Variants in ROCK1 observed in about 807,000 individuals in gnomAD.
The protein encoded by ROCK1 is Rho associated coiled-coil containing protein kinase 1, also known as rho-associated protein kinase 1.
ROCK1 carries 36 observed loss-of-function variants against 196.8 expected under a neutral mutation model. The observed-to-expected ratio is 0.18, with a 90% confidence interval of 0.14 to 0.24. ROCK1 has a LOEUF of 0.24. Ranked by LOEUF, ROCK1 falls within the 10% of genes least tolerant of loss-of-function variation. ROCK1 has a pLI of 1.00. For synonymous variants in ROCK1, 443 were observed against 515.9 expected (o/e 0.86, Z 1.91); for missense variants, 920 against 1,562.0 (o/e 0.59, Z 6.93).
intron 19 of ROCK1, among the ~76,000 whole-genome samples, chr18:20,985,827 A>G (rs1001779836): frequency 6.6e-6 from 1 of 152,068 alleles, no homozygotes; most frequent in African/African-American, 2.4e-5. Flanking sequence ...GATTTTTCTA[A>G]AAGTGCTTTC....
At position 20,999,615 on chromosome 18, in the gene ROCK1, C is replaced by A. The variant is rs756388385; in HGVS notation, c.1886-6678G>T. On this transcript the variant is annotated intron_variant, in intron 16 of 32. Coordinates refer to ENST00000399799, the MANE Select transcript of ROCK1 (RefSeq NM_005406.3). ...GTATATAGAAAACTAAAAACAAACA[C>A]ACAAATGAACAAAAACACTGCTGAA... Among the ~76,000 whole-genome samples the A allele has an allele frequency of 4.1e-4, 63 of 152,192 alleles. 1 individual carries two copies. Among genetic ancestry groups the A allele is most frequent in the Admixed American group, 1.8e-3 (27 of 15,278 alleles).
chr18:21,107,982 G>A (rs1244411241), intron 1 of ROCK1, among the ~76,000 whole-genome samples: 1 of 152,022 alleles, frequency 6.6e-6, no homozygotes. Flanking sequence ...TCGAACCCAG[G>A]AGTCGGAGGT....
At chr18:21,103,987 A>ATG (rs748236134) in intron 1 of ROCK1, among the ~76,000 whole-genome samples, 5 of 152,208 alleles carry the variant, frequency 3.3e-5, no homozygotes, top group Non-Finnish European at 7.3e-5. Flanking sequence ...TCTTGAACAC[A>ATG]TGTGTGTCGT....
intron 11 of ROCK1, among the ~76,000 whole-genome samples, chr18:21,022,989 A>G (rs2035926843): frequency 7.2e-6 from 1 of 138,554 alleles, no homozygotes; most frequent in East Asian, 2.0e-4. Context: ...AGCCAGTCAC[A>G]TATGGATAAA....
chr18:21,091,878 A>C (rs962334996), intron 1 of ROCK1, among the ~76,000 whole-genome samples: 1 of 151,274 alleles, frequency 6.6e-6, no homozygotes, highest in Non-Finnish European at 1.5e-5. Context: ...ACTGAAGCCC[A>C]AGGATCAGTT....
intron 14 of ROCK1, among the ~76,000 whole-genome samples, chr18:21,007,079 T>C (rs190414834): frequency 1.3e-3 from 199 of 152,290 alleles, no homozygotes; most frequent in African/African-American, 4.5e-3. Context: ...AAGCTAGTTT[T>C]AATATTATTT....
chr18:21,108,797 C>G (rs1219711897), intron 1 of ROCK1, among the ~76,000 whole-genome samples: 1 of 152,174 alleles, frequency 6.6e-6, no homozygotes, highest in Admixed American at 6.5e-5. Context: ...CCCATGCTAA[C>G]CCATCTTCCA....
chr18:21,061,085 T>TC (rs1264371234), intron 2 of ROCK1, among the ~76,000 whole-genome samples: 7 of 151,708 alleles, frequency 4.6e-5, no homozygotes, highest in African/African-American at 1.7e-4. Flanking sequence ...CTTTTATTTT[T>TC]TTTTTTTTTT....
chr18:21,000,540 G>C (rs2035714968), intron 16 of ROCK1, among the ~76,000 whole-genome samples: 1 of 152,186 alleles, frequency 6.6e-6, no homozygotes, highest in Non-Finnish European at 1.5e-5. Context: ...TGGGATTACA[G>C]GTGTGAGCTA....
chr18:21,040,492 AAGTT>A (rs1346362807), intron 8 of ROCK1, among the ~76,000 whole-genome samples: 1 of 152,210 alleles, frequency 6.6e-6, no homozygotes, highest in Admixed American at 6.5e-5. Context: ...TGGAAAAAGA[AAGTT>A]AGCACCTTTT....
chr18:21,021,464 G>T (rs528848322), intron 11 of ROCK1, among the ~76,000 whole-genome samples: 38 of 152,166 alleles, frequency 2.5e-4, no homozygotes, highest in African/African-American at 8.7e-4. Flanking sequence ...TAAAAAAGAG[G>T]GAAACAATAG....
At chr18:20,987,472 TG>T (rs1033566124) in intron 18 of ROCK1, among the ~76,000 whole-genome samples, 2 of 152,186 alleles carry the variant, frequency 1.3e-5, no homozygotes, top group Non-Finnish European at 2.9e-5. Flanking sequence ...AATAAGGCTG[TG>T]GTTATTAATT....
At chr18:20,980,371 TAA>T (rs2035519524) in intron 21 of ROCK1, among the ~76,000 whole-genome samples, 1 of 152,224 alleles carries the variant, frequency 6.6e-6, no homozygotes, top group African/African-American at 2.4e-5. Flanking sequence ...AACCACGTGT[TAA>T]AGAGTGTATA....
chr18:21,070,881 C>G (rs545234241), intron 1 of ROCK1, among the ~76,000 whole-genome samples: 1 of 152,132 alleles, frequency 6.6e-6, no homozygotes, highest in Non-Finnish European at 1.5e-5. Flanking sequence ...ATGCACTTTT[C>G]CCCTCATAAG....
At chr18:21,023,384 A>G (rs891587431) in intron 11 of ROCK1, among the ~76,000 whole-genome samples, 5 of 152,136 alleles carry the variant, frequency 3.3e-5, no homozygotes, top group African/African-American at 1.2e-4. Context: ...AAAGATGACC[A>G]CTGTCAATCT....
chr18:21,033,411 A>G (rs1473976133), intron 9 of ROCK1, among the ~76,000 whole-genome samples: 2 of 151,506 alleles, frequency 1.3e-5, no homozygotes, highest in Non-Finnish European at 2.9e-5. Context: ...GCTTCCCCCT[A>G]TGACCAGGAA....
intron 1 of ROCK1, among the ~76,000 whole-genome samples, chr18:21,091,675 A>G (rs2036571194): frequency 6.6e-6 from 1 of 152,108 alleles, no homozygotes. Flanking sequence ...AAGGCTGTTA[A>G]TTGTTAAATC....
rs538218166 is a variant in ROCK1, at chr18:20,982,865, G to T, written c.2490-33C>A. On this transcript the variant is annotated intron_variant, in intron 20 of 32. Transcript: ENST00000399799. ...TGAAAAGAAAAACAAGTGAACAAAC[G>T]CTCCTACTTATACTAGACTTCATTT... 7.7e-5 allele frequency: 78 copies of T among 1,007,312 alleles called. 2 individuals carry two copies. The South Asian group carries it at 1.1e-3, about 14-fold the overall frequency. 62.4% of individuals were successfully genotyped at this position (1,007,312 alleles called of 1,614,324 possible).
chr18:20,992,124 T>C (rs577173059), intron 17 of ROCK1, among the ~76,000 whole-genome samples: 5 of 152,316 alleles, frequency 3.3e-5, no homozygotes, highest in Admixed American at 3.3e-4. Flanking sequence ...TCTGTTTGGG[T>C]ACCCTTTTCT....
Sources: allele counts gnomAD v4.1 joint callset (sites outside exome capture counted in the v4.1 genomes callset), GRCh38; gene constraint gnomAD v4.1.1; transcripts MANE v1.5; gene names NCBI Gene and HGNC (gene_info 2026-07-23, HGNC 2026-07-21).